The following DOCK10 variants were observed in gnomAD, a reference collection of about 807,000 sequenced individuals.
DOCK10 encodes dedicator of cytokinesis protein 10.
In DOCK10, 145 loss-of-function variants were observed where a neutral mutation model predicts 280.1. The observed-to-expected ratio is 0.52, with a 90% CI of 0.45 to 0.59. The LOEUF (loss-of-function observed/expected upper bound fraction) is 0.59, where lower values mean the gene tolerates loss of function less well. Among genes scored for constraint, DOCK10 ranks in the 20% least tolerant of loss-of-function variants. DOCK10 has a pLI of 0.00. For missense variants in DOCK10, 2,368 were observed against 2,651.7 expected (o/e 0.89, Z 2.35); for synonymous variants, 915 against 942.2 (o/e 0.97, Z 0.53).
intron 50 of DOCK10, among the ~76,000 whole-genome samples, chr2:224,781,012 G>A (rs1329452521): frequency 6.6e-6 from 1 of 152,150 alleles, no homozygotes; most frequent in East Asian, 1.9e-4. Flanking sequence ...TTACTGGGAG[G>A]CTGTAAGGAC....
At chr2:225,034,758 A>G (rs1015887207) in intron 1 of DOCK10, among the ~76,000 whole-genome samples, 2 of 152,224 alleles carry the variant, frequency 1.3e-5, no homozygotes, top group African/African-American at 4.8e-5. Flanking sequence ...CAAGAAATGA[A>G]ATCAATAAAA....
chr2:224,775,178 C>G lies in DOCK10; in HGVS notation c.5803-63G>C, dbSNP rs924679265. The G allele has an allele frequency of 4.1e-6, 6 of 1,450,742 alleles. No homozygotes were observed. In the African/African-American group the frequency reaches 5.6e-5, roughly 14 times the overall value. 89.9% of individuals were successfully genotyped at this position (1,450,742 alleles called of 1,614,324 possible). ...CCTGGAGCGCTCTGAAAGCGGGAAG[C>G]TCCCATTCCCTCAGCTTGCATCCAG... On this transcript the variant is annotated intron_variant, in intron 51 of 55. Coordinates refer to ENST00000258390, the MANE Select transcript of DOCK10 (RefSeq NM_014689.3).
chr2:224,835,513 T>C (rs958041859), intron 25 of DOCK10, among the ~76,000 whole-genome samples: 2 of 152,236 alleles, frequency 1.3e-5, no homozygotes, highest in Non-Finnish European at 2.9e-5. Flanking sequence ...GGTGTTTAGA[T>C]AACTTCTAAA....
chr2:224,864,541 A>G lies in DOCK10; in HGVS notation c.1602+12T>C. ...AAAAGGAAGTGAAGTTATTTATAAG[A>G]TTATACATTACCTTGTTGGAGTCTG... is the stretch of plus-strand genomic sequence containing the variant. On this transcript the variant is annotated intron_variant, in intron 13 of 55. Coordinates refer to ENST00000258390, the MANE Select transcript of DOCK10 (RefSeq NM_014689.3). 6.4e-7 allele frequency: 1 copy of G among 1,568,062 alleles called. No individual in the cohort carries two copies. Among genetic ancestry groups the G allele is most frequent in the Non-Finnish European group, 8.6e-7 (1 of 1,163,240 alleles).
Position 224,958,313 on chromosome 2 carries a change from T to C in DOCK10, c.124-26645A>G, listed in dbSNP as rs112981879. Reference sequence around the variant, plus strand: ...TCCTAGCTGCTCATGCATTGAGCATTAGGAGGAGGAGCTCCGGGCACAAAA... The same window carrying C: ...TCCTAGCTGCTCATGCATTGAGCATCAGGAGGAGGAGCTCCGGGCACAAAA... On this transcript the variant is annotated intron_variant, in intron 1 of 55. Coordinates refer to ENST00000258390, the MANE Select transcript of DOCK10 (RefSeq NM_014689.3). Among the ~76,000 whole-genome samples the C allele has an allele frequency of 5.9e-3, 895 of 152,204 alleles. 9 individuals carry two copies. The highest frequency in any genetic ancestry group is 0.021 in the African/African-American group (854 of 41,496).
At chr2:224,839,881 G>T (rs764675945) in intron 24 of DOCK10, 73 bp downstream of exon 24, 12 of 631,346 alleles carry the variant, frequency 1.9e-5, no homozygotes, top group African/African-American at 1.6e-4. Flanking sequence ...GTAGATGACT[G>T]TTTAGTTATA....
intron 1 of DOCK10, among the ~76,000 whole-genome samples, chr2:225,040,508 C>A (rs1690389088): frequency 9.4e-6 from 1 of 106,230 alleles, no homozygotes; most frequent in Admixed American, 9.6e-5. Context: ...TTGGAGAAAG[C>A]AGTGCGTGTG....
At chr2:224,840,254 A>C (rs1290565042) in intron 23 of DOCK10, 182 bp from the exon 24 acceptor site, 3 of 494,200 alleles carry the variant, frequency 6.1e-6, no homozygotes, top group African/African-American at 5.7e-5. Flanking sequence ...AAAACAGACA[A>C]ATGGCATATC....
chr2:224,962,495 C>T (rs1460271396), intron 1 of DOCK10, among the ~76,000 whole-genome samples: 3 of 152,184 alleles, frequency 2.0e-5, no homozygotes, highest in Non-Finnish European at 4.4e-5. Context: ...GCTTTGTAAA[C>T]AGATTTCTAA....
intron 19 of DOCK10, among the ~76,000 whole-genome samples, chr2:224,846,755 G>C (rs1473643572): frequency 6.6e-6 from 1 of 151,928 alleles, no homozygotes; most frequent in African/African-American, 2.4e-5. Flanking sequence ...TCGGCCTCCC[G>C]AAGTGCTGGG....
At chr2:224,788,859 T>C (rs933945722) in intron 48 of DOCK10, among the ~76,000 whole-genome samples, 2 of 152,348 alleles carry the variant, frequency 1.3e-5, no homozygotes, top group Admixed American at 6.5e-5. Flanking sequence ...TTTGAGTCCA[T>C]CTTAGAGAAG....
intron 3 of DOCK10, among the ~76,000 whole-genome samples, chr2:224,909,652 C>T (rs1700888666): frequency 6.6e-6 from 1 of 152,104 alleles, no homozygotes; most frequent in African/African-American, 2.4e-5. Flanking sequence ...TCTGTGTGAA[C>T]TTGGGCGAGT....
chr2:224,992,840 G>T (rs933108077), intron 1 of DOCK10, among the ~76,000 whole-genome samples: 2 of 152,210 alleles, frequency 1.3e-5, no homozygotes, highest in Admixed American at 1.3e-4. Context: ...GATGCCATGA[G>T]TTCTTCTAGG....
At chr2:224,889,739 A>G (rs760107591) in intron 4 of DOCK10, among the ~76,000 whole-genome samples, 1 of 152,204 alleles carries the variant, frequency 6.6e-6, no homozygotes, top group Non-Finnish European at 1.5e-5. Context: ...CTACCCCACC[A>G]AAAATATTCC....
intron 48 of DOCK10, 140 bp from the exon 49 acceptor site, chr2:224,787,537 C>A: frequency 9.5e-7 from 1 of 1,055,816 alleles, no homozygotes; most frequent in Non-Finnish European, 1.4e-6. Flanking sequence ...ATCGTGGTGT[C>A]ATCTTGGATT....
At chr2:224,851,718 C>G (rs1348514319) in intron 18 of DOCK10, among the ~76,000 whole-genome samples, 2 of 152,100 alleles carry the variant, frequency 1.3e-5, no homozygotes, top group Admixed American at 1.3e-4. Flanking sequence ...TAATTTCCCC[C>G]TCATTTTTTA....
chr2:225,013,029 C>T (rs11884762), intron 1 of DOCK10, among the ~76,000 whole-genome samples: 2,669 of 152,216 alleles, frequency 0.018, 76 homozygotes, highest in African/African-American at 0.061. Context: ...TCCCTGTAAT[C>T]AGGACCAAAT....
At chr2:224,955,543 A>C (rs4674952) in intron 1 of DOCK10, among the ~76,000 whole-genome samples, 87,170 of 152,080 alleles carry the variant, frequency 0.57, 25,698 homozygotes, top group Non-Finnish European at 0.64. Context: ...CAAACCACTT[A>C]TTTAATGGCA....
intron 34 of DOCK10, 67 bp downstream of exon 34, chr2:224,806,059 C>A: frequency 1.1e-6 from 1 of 914,744 alleles, no homozygotes. Context: ...GAGTAAAAAG[C>A]ACAATGATAT....
Sources: allele counts gnomAD v4.1 joint callset (sites outside exome capture counted in the v4.1 genomes callset), GRCh38; gene constraint gnomAD v4.1.1; transcripts MANE v1.5; gene names NCBI Gene and HGNC (gene_info 2026-07-23, HGNC 2026-07-21).